Variants in SBF2 observed in about 807,000 individuals in gnomAD.
The protein encoded by SBF2 is myotubularin-related protein 13.
In SBF2, 112 loss-of-function variants were observed where a neutral mutation model predicts 225.2. The observed-to-expected ratio is 0.50, with a 90% confidence interval of 0.43 to 0.58. The LOEUF (loss-of-function observed/expected upper bound fraction) is 0.58, where lower values mean the gene tolerates loss of function less well. SBF2 is among the 20% of genes least tolerant of loss of function. The probability of loss-of-function intolerance (pLI) is 0.00; values close to 1 mark genes in which losing one functional copy is unlikely to be tolerated. For synonymous variants in SBF2, 763 were observed against 773.3 expected, an observed-to-expected ratio of 0.99 and a Z score of 0.22; for missense variants, 1,996 against 2,206.2, an observed-to-expected ratio of 0.90 and a Z score of 1.91.
At chr11:10,186,982 G>A (rs1478715321) in intron 2 of SBF2, among the ~76,000 whole-genome samples, 1 of 152,200 alleles carries the variant, frequency 6.6e-6, no homozygotes, top group Non-Finnish European at 1.5e-5. Context: ...CAGTGTGGCA[G>A]AGGAAAGCTA....
At chr11:10,012,527 T>C (rs968288677) in intron 6 of SBF2, among the ~76,000 whole-genome samples, 1 of 152,240 alleles carries the variant, frequency 6.6e-6, no homozygotes, top group African/African-American at 2.4e-5. Flanking sequence ...GCCTAGGTTT[T>C]TGACCACTGT....
At chr11:10,061,000 C>T (rs1478418952) in intron 2 of SBF2, among the ~76,000 whole-genome samples, 1 of 151,914 alleles carries the variant, frequency 6.6e-6, no homozygotes, top group African/African-American at 2.4e-5. Context: ...TACATTCCAG[C>T]CTGAGCAACA....
intron 1 of SBF2, among the ~76,000 whole-genome samples, chr11:10,268,307 A>C (rs1347626483): frequency 6.6e-6 from 1 of 152,200 alleles, no homozygotes; most frequent in African/African-American, 2.4e-5. Flanking sequence ...TTTAAACAAG[A>C]ATCTTCCATT....
intron 16 of SBF2, among the ~76,000 whole-genome samples, chr11:9,945,390 C>A (rs1865506415): frequency 6.6e-6 from 1 of 152,040 alleles, no homozygotes; most frequent in Non-Finnish European, 1.5e-5. Flanking sequence ...AACTGGCTAG[C>A]CATTTGCAGA....
chr11:9,819,692 T>C (rs940692599), intron 28 of SBF2, among the ~76,000 whole-genome samples: 3 of 152,158 alleles, frequency 2.0e-5, no homozygotes, highest in Admixed American at 2.0e-4. Context: ...TAGGAATACA[T>C]TGGTCCTCAT....
At chr11:10,243,530 A>C (rs1959448357) in intron 1 of SBF2, among the ~76,000 whole-genome samples, 1 of 151,384 alleles carries the variant, frequency 6.6e-6, no homozygotes, top group South Asian at 2.1e-4. Flanking sequence ...CAAAATAAAG[A>C]GTTTTTTGAA....
intron 3 of SBF2, among the ~76,000 whole-genome samples, chr11:10,037,722 T>C (rs1481931694): frequency 6.6e-6 from 1 of 151,424 alleles, no homozygotes; most frequent in Non-Finnish European, 1.5e-5. Flanking sequence ...ATGTTCTCTC[T>C]ATGTCTTCTA....
intron 1 of SBF2, among the ~76,000 whole-genome samples, chr11:10,267,465 A>G (rs1417694751): frequency 1.3e-5 from 2 of 149,040 alleles, no homozygotes; most frequent in East Asian, 1.9e-4. Context: ...ATTTTGAGGG[A>G]AAAAAAAACA....
intron 2 of SBF2, among the ~76,000 whole-genome samples, chr11:10,057,647 T>C (rs1349415061): frequency 6.6e-6 from 1 of 152,170 alleles, no homozygotes; most frequent in African/African-American, 2.4e-5. Context: ...CTGCTGCCTC[T>C]AAGCTGAGGA....
chr11:9,894,094 A>C (rs1861048747), intron 17 of SBF2, among the ~76,000 whole-genome samples: 1 of 152,050 alleles, frequency 6.6e-6, no homozygotes, highest in South Asian at 2.1e-4. Flanking sequence ...AAAAAATACA[A>C]AAATCAGCCA....
At chr11:10,274,152 G>C (rs899000281) in intron 1 of SBF2, among the ~76,000 whole-genome samples, 1 of 152,198 alleles carries the variant, frequency 6.6e-6, no homozygotes, top group African/African-American at 2.4e-5. Flanking sequence ...AAGAAAAAGT[G>C]GCACTCCATG....
intron 9 of SBF2, among the ~76,000 whole-genome samples, chr11:9,994,474 C>CA (rs1289608238): frequency 0.015 from 1,394 of 94,238 alleles, 74 homozygotes; most frequent in Admixed American, 0.12. Flanking sequence ...GACTCCATCT[C>CA]AAAAAAAAAA....
chr11:10,013,743 T>G (rs78076893), intron 6 of SBF2, among the ~76,000 whole-genome samples: 13,575 of 152,236 alleles, frequency 0.089, 913 homozygotes, highest in East Asian at 0.28. Context: ...CCTGGCTAGA[T>G]TTAGCATCTA....
intron 2 of SBF2, among the ~76,000 whole-genome samples, chr11:10,173,863 G>C (rs889979709): frequency 4.6e-5 from 7 of 151,400 alleles, no homozygotes; most frequent in South Asian, 2.1e-4. Flanking sequence ...CCTGACCCCC[G>C]AGCAGCCTAA....
chr11:10,230,557 C>T (rs1322092769), intron 1 of SBF2, among the ~76,000 whole-genome samples: 1 of 152,120 alleles, frequency 6.6e-6, no homozygotes, highest in Non-Finnish European at 1.5e-5. Context: ...TTTTATTTCT[C>T]CTTCACTTAT....
At chr11:10,276,960 A>C (rs1962999605) in intron 1 of SBF2, among the ~76,000 whole-genome samples, 1 of 152,140 alleles carries the variant, frequency 6.6e-6, no homozygotes, top group Non-Finnish European at 1.5e-5. Context: ...GGCTCGGTAC[A>C]ATGGCTCATG....
chr11:10,299,154 C>A (rs543728469), upstream of SBF2, among the ~76,000 whole-genome samples: 22 of 151,898 alleles, frequency 1.4e-4, no homozygotes, highest in Non-Finnish European at 2.5e-4. Flanking sequence ...CTGGCTAACA[C>A]GGTGAAACCC....
chr11:9,794,699 A>AAAAAAAAAAAAAAAAAAG (rs1564859829), intron 33 of SBF2, among the ~76,000 whole-genome samples: 5 of 147,162 alleles, frequency 3.4e-5, no homozygotes, highest in African/African-American at 1.3e-4. Flanking sequence ...AAAAAAAAAA[A>AAAAAAAAAAAAAAAAAAG]AAAAAAAAGA....
intron 2 of SBF2, among the ~76,000 whole-genome samples, chr11:10,192,859 A>T (rs1398143512): frequency 4.6e-5 from 7 of 152,212 alleles, no homozygotes; most frequent in African/African-American, 1.7e-4. Context: ...TAAACACAAT[A>T]TAAATAAGTA....
Sources: allele counts gnomAD v4.1 joint callset (sites outside exome capture counted in the v4.1 genomes callset), GRCh38; gene constraint gnomAD v4.1.1; transcripts MANE v1.5; gene names NCBI Gene and HGNC (gene_info 2026-07-23, HGNC 2026-07-21).